Variants in HS1BP3 observed in about 807,000 individuals in gnomAD.
HS1BP3 encodes the protein HCLS1-binding protein 3.
In HS1BP3, 32 loss-of-function variants were observed where a neutral mutation model predicts 33.5. That is an observed-to-expected ratio of 0.95 (90% CI 0.72 to 1.28). HS1BP3 has a LOEUF of 1.28. HS1BP3 is among the 50% of genes most tolerant of loss of function. The probability of loss-of-function intolerance (pLI) is 0.00; values close to 1 mark genes in which losing one functional copy is unlikely to be tolerated. For synonymous variants in HS1BP3, 187 were observed against 209.2 expected, an observed-to-expected ratio of 0.89 and a Z score of 0.92; for missense variants, 486 against 502.3, an observed-to-expected ratio of 0.97 and a Z score of 0.31.
chr2:20,554,687 A>C, the HS1BP3 span, among the ~76,000 whole-genome samples: 1 of 147,170 alleles, frequency 6.8e-6, no homozygotes, highest in Non-Finnish European at 1.5e-5. Flanking sequence ...CTGAACAACA[A>C]GAGTGAAACT....
At chr2:20,622,275 C>T (rs1347999972) in intron 6 of HS1BP3, 2 of 1,304,476 alleles carry the variant, frequency 1.5e-6, no homozygotes, top group Non-Finnish European at 2.0e-6. Context: ...GTGGTTCCTG[C>T]TCTCAAGAAG....
chr2:20,590,556 A>G (rs150485483), downstream of HS1BP3, among the ~76,000 whole-genome samples: 10 of 152,300 alleles, frequency 6.6e-5, 1 homozygote, highest in East Asian at 1.9e-3. Flanking sequence ...TCATTAGGTC[A>G]CGTCCCCGTA....
intron 4 of HS1BP3, among the ~76,000 whole-genome samples, chr2:20,627,484 G>A (rs375825484): frequency 2.5e-4 from 38 of 152,348 alleles, no homozygotes; most frequent in Admixed American, 2.2e-3. Context: ...TGGAGAAGCC[G>A]TGGTGCCCCT....
chr2:20,581,285 C>T (rs1302312721), intron 5 of HS1BP3, among the ~76,000 whole-genome samples: 1 of 152,192 alleles, frequency 6.6e-6, no homozygotes, highest in Non-Finnish European at 1.5e-5. Flanking sequence ...ATTTAGTGTT[C>T]TATTGTTACA....
downstream of HS1BP3, among the ~76,000 whole-genome samples, chr2:20,556,125 C>A (rs1408853893): frequency 1.3e-5 from 2 of 152,206 alleles, no homozygotes; most frequent in Non-Finnish European, 2.9e-5. Context: ...ATTCTAGTAC[C>A]ATAGTTCTGA....
intron 6 of HS1BP3, among the ~76,000 whole-genome samples, chr2:20,619,845 C>T (rs1000817768): frequency 2.0e-5 from 3 of 152,338 alleles, no homozygotes; most frequent in East Asian, 3.9e-4. Context: ...TAACCAGGGG[C>T]GCTGAGCCAT....
At chr2:20,558,463 C>T (rs1052985205), downstream of HS1BP3, among the ~76,000 whole-genome samples, 1 of 152,176 alleles carries the variant, frequency 6.6e-6, no homozygotes. Context: ...GGTATCATGC[C>T]TCCGTCTCAG....
intron 6 of HS1BP3, among the ~76,000 whole-genome samples, chr2:20,620,072 A>G (rs1694548424): frequency 6.6e-6 from 1 of 152,262 alleles, no homozygotes; most frequent in South Asian, 2.1e-4. Flanking sequence ...GAAACAGGCC[A>G]GGCCACTGAT....
intron 2 of HS1BP3, among the ~76,000 whole-genome samples, chr2:20,602,783 G>A (rs77658374): frequency 0.011 from 1,676 of 152,268 alleles, 15 homozygotes; most frequent in Middle Eastern, 0.037. Context: ...TATCAAGAAA[G>A]TGAAAATACA....
chr2:20,583,937 G>C lies in HS1BP3; in HGVS notation c.303-23422C>G, dbSNP rs374946823. 4.1e-4 allele frequency among the ~76,000 whole-genome samples: 63 copies of C among 152,300 alleles called. No individual in the cohort carries two copies. In the South Asian group the frequency reaches 0.013, roughly 32 times the overall value. On this transcript the variant is annotated intron_variant, in intron 5 of 5. Coordinates refer to the HS1BP3 transcript ENST00000446825. Reference sequence around the variant, plus strand: ...TATATGGAGATGGCATTTCCTATCTGTGTCCCACGGCTCCGGGTTTCTGAA... The same window carrying C: ...TATATGGAGATGGCATTTCCTATCTCTGTCCCACGGCTCCGGGTTTCTGAA...
At position 20,638,281 on chromosome 2, in the gene HS1BP3, C is replaced by T. The variant is rs1008070169; in HGVS notation, c.623+155G>A. On this transcript the variant is annotated intron_variant, in intron 4 of 6. Coordinates refer to ENST00000304031, the MANE Select transcript of HS1BP3 (RefSeq NM_022460.4). ...CCAAGGGCACGCAGAGAGCTACTTC[C>T]CCCAACACACCAGGCCAAGGCCTCG... 27 of 676,086 alleles carry T rather than the reference C, an allele frequency of 4.0e-5. No individual in the cohort carries two copies. In the African/African-American group the frequency reaches 4.7e-4, roughly 12 times the overall value. The allele number at this position is 676,086 out of a possible 1,614,324, so 41.9% of individuals were successfully genotyped here.
At chr2:20,602,729 T>C (rs1204956285) in intron 2 of HS1BP3, among the ~76,000 whole-genome samples, 3 of 152,180 alleles carry the variant, frequency 2.0e-5, no homozygotes, top group Non-Finnish European at 2.9e-5. Flanking sequence ...ACTAGATAAA[T>C]TGGAGTTCAT....
At chr2:20,649,611 C>T (rs1041424917) in intron 1 of HS1BP3, among the ~76,000 whole-genome samples, 1 of 152,248 alleles carries the variant, frequency 6.6e-6, no homozygotes, top group African/African-American at 2.4e-5. Flanking sequence ...CGATAAACAC[C>T]TTCTGGCTGA....
chr2:20,565,611 C>T (rs911240589), intron 5 of HS1BP3, among the ~76,000 whole-genome samples: 1 of 152,242 alleles, frequency 6.6e-6, no homozygotes, highest in Admixed American at 6.5e-5. Flanking sequence ...GGCAGGCCAA[C>T]CCCACCCCGT....
At position 20,651,014 on chromosome 2, in the gene HS1BP3, C is replaced by T. The variant is rs775911483; in HGVS notation, c.32+18G>A. 1.6e-6 allele frequency: 2 copies of T among 1,238,080 alleles called. No individual in the cohort carries two copies. The highest frequency in any genetic ancestry group is 2.0e-6 in the Non-Finnish European group (2 of 991,784). 76.7% of individuals were successfully genotyped at this position (1,238,080 alleles called of 1,614,324 possible). A position where few individuals can be genotyped will look rare whatever the true frequency, so the allele number is the denominator to read the frequency against. On this transcript the variant is annotated intron_variant, in intron 1 of 6. Transcript: ENST00000304031. ...GGACTGCGAGCTGTGCGGTGTGGGG[C>T]GCGGGGGTCTGGCTCACCTGGAGGT...
intron 3 of HS1BP3, among the ~76,000 whole-genome samples, chr2:20,597,957 G>A (rs886216648): frequency 1.3e-5 from 2 of 152,138 alleles, no homozygotes; most frequent in Non-Finnish European, 2.9e-5. Flanking sequence ...CTAGAGCCAG[G>A]CTCAGCCCTG....
At chr2:20,564,549 T>C (rs13410810) in intron 5 of HS1BP3, among the ~76,000 whole-genome samples, 15,463 of 152,200 alleles carry the variant, frequency 0.1, 2,261 homozygotes, top group African/African-American at 0.32. Context: ...AGTGGTATGA[T>C]CTTGGCTGAC....
In HS1BP3 at chr2:20,645,619, C is replaced by T. The variant is rs563466731; in HGVS notation, c.33-114G>A. 296 of 1,051,566 alleles carry T rather than the reference C, an allele frequency of 2.8e-4. 1 individual carries two copies. In the African/African-American group the frequency reaches 4.0e-3, roughly 14 times the overall value. 65.1% of individuals were successfully genotyped at this position (1,051,566 alleles called of 1,614,324 possible). On this transcript the variant is annotated intron_variant, in intron 1 of 6. Transcript: ENST00000304031. The stretch of plus-strand genomic sequence containing the variant: ...CAGGCCTGGGTGCCAGGTGACTCTG[C>T]TGGCTGTCCTCAGTGGTCACTGCTC...
At chr2:20,650,805 T>C (rs1370692110) in intron 1 of HS1BP3, among the ~76,000 whole-genome samples, 1 of 152,146 alleles carries the variant, frequency 6.6e-6, no homozygotes, top group African/African-American at 2.4e-5. Context: ...CCGCTGTCCT[T>C]GGCTAGTTCT....
Sources: allele counts gnomAD v4.1 joint callset (sites outside exome capture counted in the v4.1 genomes callset), GRCh38; gene constraint gnomAD v4.1.1; transcripts MANE v1.5; gene names NCBI Gene and HGNC (gene_info 2026-07-23, HGNC 2026-07-21).